The following FAM135B variants were observed in gnomAD, a reference collection of about 807,000 sequenced individuals.
The protein encoded by FAM135B is family with sequence similarity 135 member B.
FAM135B carries 43 observed loss-of-function variants against 127.7 expected under a neutral mutation model. The observed-to-expected ratio is 0.34, with a 90% confidence interval of 0.26 to 0.43. The LOEUF (loss-of-function observed/expected upper bound fraction) is 0.43, where lower values mean the gene tolerates loss of function less well. FAM135B is among the 20% of genes least tolerant of loss of function. The pLI is 1.00. For synonymous variants in FAM135B, 670 were observed against 665.1 expected (o/e 1.01, Z -0.11); for missense variants, 1,558 against 1,725.6 (o/e 0.90, Z 1.72).
chr8:138,216,901 T>C (rs934476129), intron 7 of FAM135B, among the ~76,000 whole-genome samples: 1 of 152,198 alleles, frequency 6.6e-6, no homozygotes, highest in Non-Finnish European at 1.5e-5. Flanking sequence ...ACATAATAAG[T>C]AGGCTACAGA....
chr8:138,189,118 A>C (rs934858717), intron 9 of FAM135B, among the ~76,000 whole-genome samples: 3 of 152,238 alleles, frequency 2.0e-5, no homozygotes, highest in Non-Finnish European at 2.9e-5. Flanking sequence ...AGAGAGGAGA[A>C]GAGGAGAAGC....
chr8:138,317,940 G>A (rs1827207336), intron 2 of FAM135B, among the ~76,000 whole-genome samples: 1 of 152,174 alleles, frequency 6.6e-6, no homozygotes, highest in African/African-American at 2.4e-5. Flanking sequence ...TTACGACCCC[G>A]CAGAAACATT....
At chr8:138,163,380 C>A (rs1003950728) in intron 12 of FAM135B, among the ~76,000 whole-genome samples, 2 of 152,086 alleles carry the variant, frequency 1.3e-5, no homozygotes, top group South Asian at 4.2e-4. Context: ...TTGCAGCGTG[C>A]CTGGCACATG....
intron 4 of FAM135B, among the ~76,000 whole-genome samples, chr8:138,260,110 C>T (rs1822432706): frequency 6.6e-6 from 1 of 152,208 alleles, no homozygotes; most frequent in South Asian, 2.1e-4. Context: ...GGATACTTTA[C>T]TGCCTCCTAC....
intron 1 of FAM135B, among the ~76,000 whole-genome samples, chr8:138,389,936 G>A (rs1832448336): frequency 6.6e-6 from 1 of 152,156 alleles, no homozygotes; most frequent in South Asian, 2.1e-4. Context: ...GGAAATAGCT[G>A]CCAGAATAAG....
intron 1 of FAM135B, among the ~76,000 whole-genome samples, chr8:138,475,472 T>G (rs527422917): frequency 6.6e-6 from 1 of 152,264 alleles, no homozygotes; most frequent in African/African-American, 2.4e-5. Context: ...TCAGTTTTTG[T>G]CCTCCATTCT....
At chr8:138,135,756 A>C (rs1816603385) in intron 19 of FAM135B, among the ~76,000 whole-genome samples, 1 of 152,164 alleles carries the variant, frequency 6.6e-6, no homozygotes, top group South Asian at 2.1e-4. Flanking sequence ...CTAAAAAGGA[A>C]ACCTTCCAGA....
chr8:138,466,354 C>A (rs758547447), intron 1 of FAM135B, among the ~76,000 whole-genome samples: 4 of 152,082 alleles, frequency 2.6e-5, no homozygotes, highest in Non-Finnish European at 1.5e-5. Flanking sequence ...AGAAGTAGGT[C>A]AGTGGCAGGC....
intron 1 of FAM135B, among the ~76,000 whole-genome samples, chr8:138,374,041 C>A (rs961016716): frequency 6.6e-6 from 1 of 152,114 alleles, no homozygotes; most frequent in Non-Finnish European, 1.5e-5. Flanking sequence ...GTGACACACA[C>A]CCTATTCGTA....
At chr8:138,262,728 G>C (rs560905866) in intron 4 of FAM135B, among the ~76,000 whole-genome samples, 252 of 151,678 alleles carry the variant, frequency 1.7e-3, no homozygotes, top group African/African-American at 5.7e-3. Flanking sequence ...GTGAAACCTT[G>C]TCTCTACTAA....
At chr8:138,404,506 ATC>A (rs757687561) in intron 1 of FAM135B, among the ~76,000 whole-genome samples, 9 of 152,200 alleles carry the variant, frequency 5.9e-5, no homozygotes, top group Non-Finnish European at 1.3e-4. Flanking sequence ...TTCATGAAAG[ATC>A]TCTCTGTAGC....
chr8:138,405,678 G>A (rs1416032904), intron 1 of FAM135B, among the ~76,000 whole-genome samples: 1 of 152,096 alleles, frequency 6.6e-6, no homozygotes, highest in African/African-American at 2.4e-5. Context: ...AAACATACGT[G>A]TGTATGTGTC....
At chr8:138,406,758 C>T (rs889074708) in intron 1 of FAM135B, among the ~76,000 whole-genome samples, 1 of 150,870 alleles carries the variant, frequency 6.6e-6, no homozygotes, top group Non-Finnish European at 1.5e-5. Context: ...TGGGACGTAT[C>T]TCGAAATAAT....
In FAM135B at chr8:138,367,910, C is replaced by T; in HGVS notation, c.74G>A (p.Arg25Lys). Reference sequence around the variant, plus strand: ...ACAAATTGTAAAGCATACTTACCCTCTCTGAAAGAGATCCACATTATAAAA... The same window carrying T: ...ACAAATTGTAAAGCATACTTACCCTTTCTGAAAGAGATCCACATTATAAAA... The part of the protein sequence containing the change: ...HKFYNVDLFQ[R>K]GYYQIRVTLK... Residue 25 changes from arginine to lysine, a missense_variant, in exon 2 of 20, where the codon AGA (arginine) becomes AAA (lysine). Physicochemically the swap from Arg to Lys is conservative, Grantham distance 26. This residue lies in a region of FAM135B where 199 missense variants were observed against 245.7 expected (regional missense o/e 0.81). Transcript: ENST00000395297. 1 of 1,608,920 alleles carries T rather than the reference C, an allele frequency of 6.2e-7. No individual in the cohort carries two copies. The highest frequency in any genetic ancestry group is 8.5e-7 in the Non-Finnish European group (1 of 1,175,846).
chr8:138,383,189 A>T (rs1831969105), intron 1 of FAM135B, among the ~76,000 whole-genome samples: 1 of 152,220 alleles, frequency 6.6e-6, no homozygotes, highest in Non-Finnish European at 1.5e-5. Context: ...GCTCAGGCCC[A>T]GGAGCTCTGA....
chr8:138,169,119 A>G (rs1393276431), intron 11 of FAM135B, among the ~76,000 whole-genome samples: 1 of 152,100 alleles, frequency 6.6e-6, no homozygotes, highest in Non-Finnish European at 1.5e-5. Context: ...TTCATATAAT[A>G]TACATAGTGA....
intron 6 of FAM135B, among the ~76,000 whole-genome samples, chr8:138,248,497 C>T (rs896531821): frequency 1.3e-5 from 2 of 152,120 alleles, no homozygotes; most frequent in East Asian, 3.9e-4. Flanking sequence ...TCCTCATCAT[C>T]CCTGTCGGGT....
intron 1 of FAM135B, chr8:138,441,531 G>A (rs1243505671): frequency 6.6e-6 from 1 of 152,180 alleles, no homozygotes; most frequent in East Asian, 1.9e-4. Context: ...ACACTCTCTT[G>A]AACACAGCCT....
At chr8:138,210,045 G>T (rs1428516971) in intron 7 of FAM135B, among the ~76,000 whole-genome samples, 1 of 152,148 alleles carries the variant, frequency 6.6e-6, no homozygotes, top group Non-Finnish European at 1.5e-5. Context: ...TATGTAGAGT[G>T]TGAAGGGTCA....
Sources: allele counts gnomAD v4.1 joint callset (sites outside exome capture counted in the v4.1 genomes callset), GRCh38; gene constraint gnomAD v4.1.1; regional missense constraint gnomAD v4.1.1; transcripts MANE v1.5; gene names NCBI Gene and HGNC (gene_info 2026-07-23, HGNC 2026-07-21).